Variants in CNTN1 observed in about 807,000 individuals in gnomAD.
The protein encoded by CNTN1 is contactin-1.
A neutral mutation model predicts 126.4 loss-of-function variants in CNTN1; 38 were observed. The ratio of observed to expected loss-of-function variants is 0.30; its 90% CI spans 0.23 to 0.39. The LOEUF is 0.39. Among genes scored for constraint, CNTN1 ranks in the 10% least tolerant of loss-of-function variants. The probability of loss-of-function intolerance (pLI) is 1.00; values close to 1 mark genes in which losing one functional copy is unlikely to be tolerated. For missense variants in CNTN1, 1,009 were observed against 1,248.4 expected (o/e 0.81, Z 2.89); for synonymous variants, 413 against 422.6 (o/e 0.98, Z 0.28).
At chr12:40,906,692 T>TTTA (rs1944836243) in intron 1 of CNTN1, among the ~76,000 whole-genome samples, 1 of 147,392 alleles carries the variant, frequency 6.8e-6, no homozygotes, top group Non-Finnish European at 1.5e-5. Flanking sequence ...TTGTTTTTTT[T>TTTA]GAGATGGAGT....
At chr12:40,867,533 G>A (rs372676921) in intron 1 of CNTN1, among the ~76,000 whole-genome samples, 4 of 152,222 alleles carry the variant, frequency 2.6e-5, no homozygotes, top group South Asian at 4.1e-4. Context: ...GTGAGGTAAC[G>A]CATATATTAA....
At chr12:40,801,748 A>T (rs541732176) in intron 1 of CNTN1, among the ~76,000 whole-genome samples, 2 of 151,988 alleles carry the variant, frequency 1.3e-5, no homozygotes, top group South Asian at 4.1e-4. Flanking sequence ...GATTTAAAAT[A>T]TTAATCGTAG....
chr12:41,032,579 G>A (rs745733892), intron 23 of CNTN1, among the ~76,000 whole-genome samples: 2 of 151,966 alleles, frequency 1.3e-5, no homozygotes, highest in Non-Finnish European at 2.9e-5. Context: ...TCTCCCTTCT[G>A]CCTGGAATTC....
chr12:40,883,253 G>A (rs1943929530), intron 1 of CNTN1, among the ~76,000 whole-genome samples: 1 of 151,464 alleles, frequency 6.6e-6, no homozygotes, highest in African/African-American at 2.4e-5. Flanking sequence ...GTATTCTTCA[G>A]CTATTTGTTG....
intron 15 of CNTN1, among the ~76,000 whole-genome samples, chr12:40,967,757 C>T (rs1019476275): frequency 6.6e-6 from 1 of 151,704 alleles, no homozygotes; most frequent in Non-Finnish European, 1.5e-5. Flanking sequence ...GAATAAATGG[C>T]AATTAGTTCA....
intron 23 of CNTN1, among the ~76,000 whole-genome samples, chr12:41,029,802 C>CT (rs1949106507): frequency 6.6e-6 from 1 of 151,964 alleles, no homozygotes; most frequent in Non-Finnish European, 1.5e-5. Context: ...ATTATAGCCC[C>CT]TTTGTCTTTT....
intron 14 of CNTN1, among the ~76,000 whole-genome samples, chr12:40,944,946 G>A (rs1240296353): frequency 6.6e-6 from 1 of 152,080 alleles, no homozygotes; most frequent in East Asian, 1.9e-4. Context: ...TTAGAAGTCA[G>A]TTATTAATAT....
At chr12:40,892,789 AATGT>A (rs1317105390) in intron 1 of CNTN1, among the ~76,000 whole-genome samples, 1 of 151,980 alleles carries the variant, frequency 6.6e-6, no homozygotes, top group Non-Finnish European at 1.5e-5. Context: ...CTCATTATAC[AATGT>A]ATGTTAAGAG....
At chr12:41,045,668 C>T (rs949068398) in intron 23 of CNTN1, among the ~76,000 whole-genome samples, 3 of 152,084 alleles carry the variant, frequency 2.0e-5, no homozygotes, top group Non-Finnish European at 2.9e-5. Context: ...AAGTAATTCC[C>T]ATAGTTGGGT....
At chr12:41,047,364 G>T (rs10128778) in intron 23 of CNTN1, among the ~76,000 whole-genome samples, 1 of 152,056 alleles carries the variant, frequency 6.6e-6, no homozygotes, top group Non-Finnish European at 1.5e-5. Flanking sequence ...TACTCACTGA[G>T]TGCTTCCTTC....
intron 1 of CNTN1, among the ~76,000 whole-genome samples, chr12:40,869,291 G>A (rs1943408611): frequency 6.7e-6 from 1 of 149,732 alleles, no homozygotes; most frequent in Non-Finnish European, 1.5e-5. Flanking sequence ...TGTTTTTTGA[G>A]ACAGGGTCTT....
At chr12:40,841,450 G>A (rs1275897380) in intron 1 of CNTN1, among the ~76,000 whole-genome samples, 4 of 151,928 alleles carry the variant, frequency 2.6e-5, no homozygotes, top group African/African-American at 4.8e-5. Context: ...GCATCAACCC[G>A]ACACCAAAAC....
intron 1 of CNTN1, among the ~76,000 whole-genome samples, chr12:40,906,046 C>A (rs12301044): frequency 3.3e-5 from 5 of 152,078 alleles, no homozygotes; most frequent in Non-Finnish European, 7.4e-5. Flanking sequence ...GAGGCCGAGG[C>A]GGGCGGATCA....
chr12:40,703,834 T>C (rs1941663483), intron 1 of CNTN1, among the ~76,000 whole-genome samples: 1 of 151,958 alleles, frequency 6.6e-6, no homozygotes, highest in Non-Finnish European at 1.5e-5. Flanking sequence ...AGATCTACCA[T>C]GTGGTAGACG....
chr12:40,780,686 G>GAAA (rs11393889), intron 1 of CNTN1, among the ~76,000 whole-genome samples: 27 of 128,218 alleles, frequency 2.1e-4, no homozygotes, highest in East Asian at 6.8e-4. Context: ...TTCCATCTAA[G>GAAA]AAAAAAAAAA....
intron 15 of CNTN1, 82 bp from the exon 16 acceptor site, chr12:40,980,827 T>A: frequency 1.5e-6 from 2 of 1,291,248 alleles, no homozygotes; most frequent in Admixed American, 3.4e-5. Flanking sequence ...AGATTAATGG[T>A]TAGAAGACAT....
At chr12:40,880,014 C>T (rs1209133045) in intron 1 of CNTN1, among the ~76,000 whole-genome samples, 1 of 151,920 alleles carries the variant, frequency 6.6e-6, no homozygotes, top group African/African-American at 2.4e-5. Context: ...ACCTTTGCTC[C>T]AAGAATTTTA....
rs115473777 is a variant in CNTN1 at position 40,856,703 on chromosome 12, G to T, written c.-76-51654G>T. Reference sequence around the variant, plus strand: ...CAAACAGAGGAATGTATGTGTAGTAGTAAGGAAGATTTGCCAAAGTATGTC... The same window carrying T: ...CAAACAGAGGAATGTATGTGTAGTATTAAGGAAGATTTGCCAAAGTATGTC... On this transcript the variant is annotated intron_variant, in intron 1 of 23. Transcript: ENST00000551295. Among the ~76,000 whole-genome samples, 225 of 152,270 alleles carry T rather than the reference G, an allele frequency of 1.5e-3. 2 individuals are homozygous for T. Among genetic ancestry groups the T allele is most frequent in the African/African-American group, 5.2e-3 (218 of 41,564 alleles).
At chr12:40,992,287 G>A (rs1017360575) in intron 16 of CNTN1, among the ~76,000 whole-genome samples, 5 of 152,086 alleles carry the variant, frequency 3.3e-5, no homozygotes, top group African/African-American at 9.7e-5. Context: ...TGATGGACAC[G>A]TCATCTTTAA....
Sources: gnomAD v4.1 joint callset for allele counts (sites outside exome capture counted in the v4.1 genomes callset) on GRCh38, gnomAD v4.1.1 for gene constraint, MANE v1.5 for transcripts, NCBI Gene and HGNC (gene_info 2026-07-23, HGNC 2026-07-21) for gene names.